Variants in CRTC1 observed in about 807,000 individuals in gnomAD.
The protein encoded by CRTC1 is CREB-regulated transcription coactivator 1.
CRTC1 carries 18 observed loss-of-function variants against 66.1 expected under a neutral mutation model. The ratio of observed to expected loss-of-function variants is 0.27; its 90% CI spans 0.19 to 0.40. The LOEUF (loss-of-function observed/expected upper bound fraction) is 0.40. CRTC1 is among the 10% of genes least tolerant of loss of function. The pLI is 1.00. For missense variants in CRTC1, 669 were observed against 887.9 expected (o/e 0.75, Z 3.13); for synonymous variants, 416 against 398.8 (o/e 1.04, Z -0.51).
intron 1 of CRTC1, among the ~76,000 whole-genome samples, chr19:18,738,033 A>G (rs2054036949): frequency 6.6e-6 from 1 of 152,116 alleles, no homozygotes; most frequent in African/African-American, 2.4e-5. Flanking sequence ...CAGAAGTTAT[A>G]CTGGAGTGGG....
intron 1 of CRTC1, among the ~76,000 whole-genome samples, chr19:18,735,821 G>A (rs952569575): frequency 6.6e-6 from 1 of 152,226 alleles, no homozygotes; most frequent in African/African-American, 2.4e-5. Flanking sequence ...TCAGGCTGAA[G>A]CTCCCACAGT....
intron 1 of CRTC1, among the ~76,000 whole-genome samples, chr19:18,710,964 C>G (rs2053378035): frequency 6.6e-6 from 1 of 152,156 alleles, no homozygotes; most frequent in African/African-American, 2.4e-5. Flanking sequence ...GCCAGTCACC[C>G]CTCTTTCTTC....
chr19:18,744,516 A>C (rs2054187737), intron 2 of CRTC1, among the ~76,000 whole-genome samples: 1 of 151,978 alleles, frequency 6.6e-6, no homozygotes, highest in African/African-American at 2.4e-5. Flanking sequence ...ACACACATAC[A>C]CACACGTGTG....
At chr19:18,772,774 T>C (rs1427764999) in intron 11 of CRTC1, among the ~76,000 whole-genome samples, 2 of 152,160 alleles carry the variant, frequency 1.3e-5, no homozygotes, top group Non-Finnish European at 2.9e-5. Flanking sequence ...GGGGTCAGCC[T>C]GGTGTCTGCG....
rs538882595 is a variant in CRTC1 at position 18,777,090 on chromosome 19, G to A, written c.1694-81G>A. 304 of 793,326 alleles carry A rather than the reference G, an allele frequency of 3.8e-4. 2 individuals carry two copies. In the South Asian group the frequency reaches 4.0e-3, roughly 10 times the overall value. 49.1% of individuals were successfully genotyped at this position (793,326 alleles called of 1,614,324 possible). On this transcript the variant is annotated intron_variant, in intron 13 of 13. Transcript: ENST00000321949. This position sits in a 1 kb window ranked among gnomAD's most constrained non-coding sequence, Gnocchi z 5.5. ...TACCCAGGGGACAGAGTCGCCCGGC[G>A]GGCATGCCTGGTCCGACACATGGAT...
chr19:18,759,964 C>CCAGTCCCCGCCACCA, intron 7 of CRTC1, 44 bp from the exon 8 acceptor site: 3 of 1,480,704 alleles, frequency 2.0e-6, no homozygotes, highest in Non-Finnish European at 2.8e-6. Flanking sequence ...CCGCCAGCCC[C>CCAGTCCCCGCCACCA]GCCCCATGAG....
At chr19:18,769,681 A>G (rs1282353933) in intron 10 of CRTC1, among the ~76,000 whole-genome samples, 3 of 152,066 alleles carry the variant, frequency 2.0e-5, no homozygotes, top group Admixed American at 2.0e-4. Flanking sequence ...GAGGCTCCCA[A>G]GGTGGGGCCT....
intron 1 of CRTC1, among the ~76,000 whole-genome samples, chr19:18,693,221 T>C (rs1475644872): frequency 6.6e-6 from 1 of 151,694 alleles, no homozygotes; most frequent in East Asian, 2.0e-4. Context: ...AAACTCTGTC[T>C]TTACTAAAAA....
At chr19:18,717,386 G>A (rs1303499772) in intron 1 of CRTC1, among the ~76,000 whole-genome samples, 2 of 152,052 alleles carry the variant, frequency 1.3e-5, no homozygotes, top group African/African-American at 4.8e-5. Context: ...TGGCCCTTGG[G>A]GTCAAGGGCA....
At position 18,735,796 on chromosome 19, in the gene CRTC1, C is replaced by T. The variant is rs571309828; in HGVS notation, c.127-7114C>T. 5.9e-5 allele frequency among the ~76,000 whole-genome samples: 9 copies of T among 152,372 alleles called. No individual in the cohort carries two copies. In the East Asian group the frequency reaches 9.6e-4, roughly 16 times the overall value. The stretch of plus-strand genomic sequence containing the variant: ...CCAGTGCTGTGTCTCTGCCAGTCCA[C>T]GGCCGCACAGTGGCTCAGGCTGAAG... On this transcript the variant is annotated intron_variant, in intron 1 of 13. Transcript: ENST00000321949.
At chr19:18,751,452 T>C (rs2054361556) in intron 5 of CRTC1, among the ~76,000 whole-genome samples, 1 of 152,014 alleles carries the variant, frequency 6.6e-6, no homozygotes, top group East Asian at 1.9e-4. Flanking sequence ...TGTTTGAGCC[T>C]GGGAGGTGGA....
chr19:18,729,895 C>G (rs1304944596), intron 1 of CRTC1, among the ~76,000 whole-genome samples: 3 of 152,132 alleles, frequency 2.0e-5, no homozygotes, highest in African/African-American at 7.2e-5. Context: ...TGGCAGATTC[C>G]TGGGGTTGCC....
Position 18,782,081 on chromosome 19 carries a change from G to A in CRTC1, c.*4699G>A. On this transcript the variant is annotated 3_prime_UTR_variant, in exon 14 of 14. Transcript: ENST00000321949. ...GGGCTGGGTGGCCCCACTGATATATGCAAACCCGCCGGTCCGAGCCCTGTT... is the reference window on the plus strand; with the variant it reads ...GGGCTGGGTGGCCCCACTGATATATACAAACCCGCCGGTCCGAGCCCTGTT... 4.4e-6 allele frequency: 1 copy of A among 225,668 alleles called. No homozygotes were observed. 14.0% of individuals were successfully genotyped at this position (225,668 alleles called of 1,614,324 possible).
intron 12 of CRTC1, 132 bp from the exon 13 acceptor site, chr19:18,775,509 C>T: frequency 1.2e-6 from 1 of 810,042 alleles, no homozygotes; most frequent in Non-Finnish European, 1.9e-6. Flanking sequence ...GCTTGGCAGC[C>T]TGGGTGCCGA....
At chr19:18,721,133 TCTC>T (rs1221454173) in intron 1 of CRTC1, among the ~76,000 whole-genome samples, 2 of 151,844 alleles carry the variant, frequency 1.3e-5, no homozygotes, top group African/African-American at 4.8e-5. Flanking sequence ...CTGTGTCTCT[TCTC>T]ATCTTCTGAG....
At chr19:18,721,406 G>T (rs1387113704) in intron 1 of CRTC1, among the ~76,000 whole-genome samples, 1 of 151,552 alleles carries the variant, frequency 6.6e-6, no homozygotes, top group Non-Finnish European at 1.5e-5. Context: ...TGTTAGCCAG[G>T]ATGGTCTCGA....
chr19:18,729,862 G>A (rs2145672046), intron 1 of CRTC1, among the ~76,000 whole-genome samples: 1 of 152,260 alleles, frequency 6.6e-6, no homozygotes. Flanking sequence ...CCTTATCCTC[G>A]TTCTTGGCCC....
At position 18,760,233 on chromosome 19, in the gene CRTC1, G is replaced by A; in HGVS notation, c.886+5G>A. Reference sequence around the variant, plus strand: ...GCATCGGTGGCGCCGGCCAGGGTAAGGCAGGGACACTCCGCCCTCGGACAG... The same window carrying A: ...GCATCGGTGGCGCCGGCCAGGGTAAAGCAGGGACACTCCGCCCTCGGACAG... On this transcript the variant is annotated splice_donor_5th_base_variant and intron_variant, in intron 8 of 13. Transcript: ENST00000321949. The surrounding 1 kb of genome is among the most constrained non-coding windows in gnomAD (Gnocchi z 6.2). The A allele has an allele frequency of 6.3e-7, 1 of 1,586,982 alleles. No individual in the cohort carries two copies. The highest frequency in any genetic ancestry group is 8.6e-7 in the Non-Finnish European group (1 of 1,167,720).
chr19:18,773,179 C>T (rs1403338623), intron 11 of CRTC1, among the ~76,000 whole-genome samples: 2 of 151,984 alleles, frequency 1.3e-5, no homozygotes, highest in Non-Finnish European at 2.9e-5. Flanking sequence ...GACATCAGTA[C>T]GGGGCTCTCA....
Sources: gnomAD v4.1 joint callset for allele counts (sites outside exome capture counted in the v4.1 genomes callset) on GRCh38, gnomAD v4.1.1 for gene constraint, Gnocchi (gnomAD v3.1) non-coding constraint, MANE v1.5 for transcripts, NCBI Gene and HGNC (gene_info 2026-07-23, HGNC 2026-07-21) for gene names.